The following ANO5 variants were observed in gnomAD, a reference collection of about 807,000 sequenced individuals.
The protein encoded by ANO5 is anoctamin-5.
A neutral mutation model predicts 121.0 loss-of-function variants in ANO5; 109 were observed. The observed-to-expected ratio is 0.90, with a 90% CI of 0.77 to 1.06. The LOEUF (loss-of-function observed/expected upper bound fraction) is 1.06. ANO5 is among the 50% of genes least tolerant of loss of function. The probability of loss-of-function intolerance (pLI) is 0.00; values close to 1 mark genes in which losing one functional copy is unlikely to be tolerated. For synonymous variants in ANO5, 406 were observed against 359.9 expected, an observed-to-expected ratio of 1.13 and a Z score of -1.45; for missense variants, 1,064 against 1,078.5, an observed-to-expected ratio of 0.99 and a Z score of 0.19.
intron 19 of ANO5, among the ~76,000 whole-genome samples, chr11:22,274,189 CA>C (rs11312717): frequency 0.011 from 1,731 of 151,138 alleles, 33 homozygotes; most frequent in African/African-American, 0.04. Context: ...CACACACACA[CA>C]CACCCGCAGT....
chr11:22,202,215 A>G (rs976018973), intron 1 of ANO5, among the ~76,000 whole-genome samples: 1 of 151,788 alleles, frequency 6.6e-6, no homozygotes, highest in African/African-American at 2.4e-5. Flanking sequence ...ACCAGTGTTT[A>G]TTTTCACATA....
At chr11:22,259,775 GA>G (rs1854132788) in intron 15 of ANO5, 34 bp downstream of exon 15, 4 of 1,560,514 alleles carry the variant, frequency 2.6e-6, no homozygotes, top group Non-Finnish European at 3.5e-6. Context: ...TGATTCTGAA[GA>G]ATGATTCTTA....
chr11:22,247,016 A>T (rs761359387), intron 9 of ANO5, among the ~76,000 whole-genome samples: 4 of 152,128 alleles, frequency 2.6e-5, no homozygotes, highest in Admixed American at 2.0e-4. Flanking sequence ...GTTTCCTAAC[A>T]TGAATTTGTT....
At chr11:22,202,827 CTTCTT>C (rs1473419514) in intron 1 of ANO5, among the ~76,000 whole-genome samples, 1 of 152,162 alleles carries the variant, frequency 6.6e-6, no homozygotes, top group African/African-American at 2.4e-5. Flanking sequence ...TCTGTTCCCT[CTTCTT>C]TTCTTAGGAG....
chr11:22,271,591 C>T (rs1854613788), intron 18 of ANO5, among the ~76,000 whole-genome samples: 2 of 152,266 alleles, frequency 1.3e-5, no homozygotes, highest in African/African-American at 4.8e-5. Flanking sequence ...CACATATGTA[C>T]ATCAGAGATT....
chr11:22,266,825 A>G (rs1854383607), intron 17 of ANO5, among the ~76,000 whole-genome samples: 1 of 152,226 alleles, frequency 6.6e-6, no homozygotes, highest in African/African-American at 2.4e-5. Context: ...TTGGATTGTA[A>G]GATGTTTGAC....
chr11:22,226,269 C>G (rs890325743), intron 6 of ANO5, among the ~76,000 whole-genome samples: 2 of 152,032 alleles, frequency 1.3e-5, no homozygotes, highest in Non-Finnish European at 2.9e-5. Flanking sequence ...TAAATTGACA[C>G]AGTTTGCATT....
intron 7 of ANO5, among the ~76,000 whole-genome samples, chr11:22,232,282 G>T (rs563552656): frequency 6.6e-6 from 1 of 152,008 alleles, no homozygotes; most frequent in South Asian, 2.1e-4. Flanking sequence ...ATGTAAATGA[G>T]ATTGATCTCC....
intron 18 of ANO5, 51 bp from the exon 19 acceptor site, chr11:22,272,733 T>C: frequency 6.5e-7 from 1 of 1,547,442 alleles, no homozygotes; most frequent in Non-Finnish European, 8.9e-7. Context: ...AGGGTGTTCC[T>C]GTCTTTCTCC....
At chr11:22,232,846 A>G (rs931813450) in intron 7 of ANO5, among the ~76,000 whole-genome samples, 2 of 151,962 alleles carry the variant, frequency 1.3e-5, no homozygotes, top group African/African-American at 2.4e-5. Context: ...GATTTACTCC[A>G]TCTGTTTTTG....
At chr11:22,216,720 A>G (rs1852458061) in intron 3 of ANO5, among the ~76,000 whole-genome samples, 2 of 151,860 alleles carry the variant, frequency 1.3e-5, no homozygotes, top group Admixed American at 1.3e-4. Flanking sequence ...TTTATCTTTT[A>G]TCATCCATTC....
chr11:22,199,972 G>T (rs1045351700), intron 1 of ANO5, among the ~76,000 whole-genome samples: 6 of 152,068 alleles, frequency 3.9e-5, no homozygotes, highest in Admixed American at 3.9e-4. Context: ...CTATTGGTCT[G>T]TCCTTCACTT....
chr11:22,262,572 A>G (rs1854225631), intron 16 of ANO5, among the ~76,000 whole-genome samples: 1 of 152,230 alleles, frequency 6.6e-6, no homozygotes, highest in African/African-American at 2.4e-5. Context: ...ATTTCCTGCA[A>G]AGGAAGACTG....
intron 3 of ANO5, 131 bp from the exon 4 acceptor site, chr11:22,218,115 T>TCTCGCACACACACACA: frequency 1.6e-6 from 1 of 606,236 alleles, no homozygotes; most frequent in Admixed American, 2.2e-5. Flanking sequence ...GTTTGAAATA[T>TCTCGCACACACACACA]CACACACACA....
chr11:22,227,218 T>C, intron 6 of ANO5, 84 bp from the exon 7 acceptor site: 1 of 1,538,224 alleles, frequency 6.5e-7, no homozygotes, highest in Non-Finnish European at 8.9e-7. Context: ...TGAGATTTTA[T>C]AAAATATTAT....
At position 22,281,745 on chromosome 11, in the gene ANO5, AAAC is replaced by A. The variant is rs1319414369; in HGVS notation, c.*1983_*1985del. 5 of 152,150 alleles carry A rather than the reference AAAC, an allele frequency of 3.3e-5. No individual in the cohort carries two copies. Among genetic ancestry groups the A allele is most frequent in the African/African-American group, 7.2e-5 (3 of 41,470 alleles). The allele number at this position is 152,150 out of a possible 1,614,324, so 9.4% of individuals were successfully genotyped here. ...TAGAGGTAGACTGTATGATAAATAA[AAAC>A]AAATTTAATTCACAAAGTTATCTGT... On this transcript the variant is annotated 3_prime_UTR_variant, in exon 22 of 22. Transcript: ENST00000324559.
intron 15 of ANO5, 81 bp downstream of exon 15, chr11:22,259,822 G>C (rs976702149): frequency 2.2e-6 from 3 of 1,366,344 alleles, no homozygotes; most frequent in Middle Eastern, 2.4e-4. Flanking sequence ...CAGGTCTCCA[G>C]GAGTTCATTT....
intron 3 of ANO5, among the ~76,000 whole-genome samples, chr11:22,212,691 G>C (rs77455767): frequency 3.3e-5 from 5 of 151,848 alleles, no homozygotes; most frequent in African/African-American, 1.2e-4. Flanking sequence ...CAGTATCTTA[G>C]TATCATTTAA....
intron 17 of ANO5, among the ~76,000 whole-genome samples, chr11:22,269,542 AAGGAAG>A (rs1854529724): frequency 6.6e-5 from 7 of 105,352 alleles, no homozygotes; most frequent in African/African-American, 1.9e-4. Flanking sequence ...AAAAAAAGAA[AAGGAAG>A]GAAAGAAAAA....
Sources: gnomAD v4.1 joint callset for allele counts (sites outside exome capture counted in the v4.1 genomes callset) on GRCh38, gnomAD v4.1.1 for gene constraint, MANE v1.5 for transcripts, NCBI Gene and HGNC (gene_info 2026-07-23, HGNC 2026-07-21) for gene names.